Variants in PTPRD observed in about 807,000 individuals in gnomAD.
The protein encoded by PTPRD is protein tyrosine phosphatase receptor type D.
A neutral mutation model predicts 214.5 loss-of-function variants in PTPRD; 34 were observed. That is an observed-to-expected ratio of 0.16 (90% CI 0.12 to 0.21). PTPRD has a LOEUF of 0.21. PTPRD is among the 10% of genes least tolerant of loss of function. PTPRD has a pLI of 1.00. For synonymous variants in PTPRD, 1,128 were observed against 845.7 expected (o/e 1.33, Z -5.79); for missense variants, 2,545 against 2,398.7 (o/e 1.06, Z -1.27).
intron 8 of PTPRD, among the ~76,000 whole-genome samples, chr9:9,475,242 G>T (rs2094938367): frequency 6.6e-6 from 1 of 152,132 alleles, no homozygotes; most frequent in African/African-American, 2.4e-5. Flanking sequence ...ATTATGTAGG[G>T]TTGACTCTCA....
At chr9:10,361,048 G>C (rs1211734187) in intron 2 of PTPRD, among the ~76,000 whole-genome samples, 3 of 152,186 alleles carry the variant, frequency 2.0e-5, no homozygotes, top group Non-Finnish European at 2.9e-5. Context: ...CTTGTAGTGA[G>C]CCGAGATGGA....
chr9:9,221,011 G>A (rs769260267), intron 9 of PTPRD, among the ~76,000 whole-genome samples: 1 of 152,026 alleles, frequency 6.6e-6, no homozygotes, highest in Non-Finnish European at 1.5e-5. Flanking sequence ...CATGACAACT[G>A]CCTTCAGTTC....
intron 8 of PTPRD, among the ~76,000 whole-genome samples, chr9:9,551,489 A>AATAT (rs144744674): frequency 3.9e-4 from 59 of 151,786 alleles, no homozygotes; most frequent in Non-Finnish European, 2.9e-4. Context: ...ATGGTAATAG[A>AATAT]ATATATATAT....
intron 8 of PTPRD, among the ~76,000 whole-genome samples, chr9:9,446,001 C>T (rs1272779984): frequency 6.6e-6 from 1 of 152,120 alleles, no homozygotes; most frequent in East Asian, 1.9e-4. Context: ...GTTAATTCAA[C>T]TGAATTTAAA....
At chr9:10,449,361 A>G (rs1374609617) in intron 2 of PTPRD, among the ~76,000 whole-genome samples, 1 of 151,866 alleles carries the variant, frequency 6.6e-6, no homozygotes, top group Non-Finnish European at 1.5e-5. Context: ...CCCAGGCTGG[A>G]GTGCAGTGGC....
intron 11 of PTPRD, among the ~76,000 whole-genome samples, chr9:8,846,302 A>G (rs1345503950): frequency 2.6e-5 from 4 of 152,222 alleles, no homozygotes; most frequent in Non-Finnish European, 4.4e-5. Context: ...TGGGCACACT[A>G]ATTTGTTTAC....
intron 7 of PTPRD, among the ~76,000 whole-genome samples, chr9:9,584,136 T>C (rs1169849792): frequency 6.6e-6 from 1 of 151,894 alleles, no homozygotes; most frequent in African/African-American, 2.4e-5. Flanking sequence ...CATCAGAAGC[T>C]TCATTTTAGT....
chr9:8,953,854 T>A (rs900485747), intron 11 of PTPRD, among the ~76,000 whole-genome samples: 1 of 151,756 alleles, frequency 6.6e-6, no homozygotes, highest in African/African-American at 2.4e-5. Flanking sequence ...ATAACAGATA[T>A]TGGCAAGGCT....
At chr9:8,557,662 G>C (rs1451106014) in intron 14 of PTPRD, among the ~76,000 whole-genome samples, 1 of 145,618 alleles carries the variant, frequency 6.9e-6, no homozygotes, top group African/African-American at 2.5e-5. Flanking sequence ...GGAATCGCTT[G>C]AACATGGGAA....
chr9:9,955,329 A>G (rs1347033546), intron 4 of PTPRD, among the ~76,000 whole-genome samples: 1 of 152,118 alleles, frequency 6.6e-6, no homozygotes, highest in African/African-American at 2.4e-5. Context: ...GCAGTAAAGG[A>G]TATGTACGTA....
At chr9:9,294,309 AC>A (rs1450929662) in intron 9 of PTPRD, among the ~76,000 whole-genome samples, 1 of 151,848 alleles carries the variant, frequency 6.6e-6, no homozygotes, top group South Asian at 2.1e-4. Context: ...CTGTACACTA[AC>A]CTGTGTATAT....
intron 12 of PTPRD, among the ~76,000 whole-genome samples, chr9:8,657,327 C>A (rs1278923330): frequency 1.3e-5 from 2 of 151,922 alleles, no homozygotes; most frequent in Non-Finnish European, 2.9e-5. Context: ...ACCACCATAC[C>A]CACCTAATTT....
intron 35 of PTPRD, among the ~76,000 whole-genome samples, chr9:8,430,083 T>C (rs1408756280): frequency 6.6e-6 from 1 of 152,092 alleles, no homozygotes; most frequent in African/African-American, 2.4e-5. Context: ...AAGGGGTTAT[T>C]ATCTCAACCC....
chr9:9,977,516 A>G (rs1287404231), intron 4 of PTPRD, among the ~76,000 whole-genome samples: 1 of 152,326 alleles, frequency 6.6e-6, no homozygotes, highest in Admixed American at 6.5e-5. Flanking sequence ...ATGTAATTAG[A>G]CATTAACACT....
chr9:10,401,248 T>C (rs2154495620), intron 2 of PTPRD, among the ~76,000 whole-genome samples: 1 of 151,772 alleles, frequency 6.6e-6, no homozygotes, highest in African/African-American at 2.4e-5. Flanking sequence ...TTATTTTATT[T>C]AATACAGCAG....
intron 11 of PTPRD, among the ~76,000 whole-genome samples, chr9:8,743,325 A>C (rs1293481772): frequency 6.6e-6 from 1 of 152,174 alleles, no homozygotes; most frequent in Non-Finnish European, 1.5e-5. Flanking sequence ...AAATATTGTC[A>C]CCAATTAAAA....
At chr9:9,902,187 G>C (rs948929625) in intron 5 of PTPRD, among the ~76,000 whole-genome samples, 20 of 151,800 alleles carry the variant, frequency 1.3e-4, no homozygotes, top group Admixed American at 3.3e-4. Context: ...CTAAGCTTGT[G>C]TGTACGTGCA....
chr9:8,436,572 G>C lies in PTPRD; in HGVS notation c.4086+20C>G. ...GAGTAACTCTTGAAATTACTGTAAAGAATAAACACAGTGAATTACCTCATA... is the reference window on the plus strand; with the variant it reads ...GAGTAACTCTTGAAATTACTGTAAACAATAAACACAGTGAATTACCTCATA... On this transcript the variant is annotated intron_variant, in intron 35 of 45. Coordinates refer to ENST00000381196, the MANE Select transcript of PTPRD (RefSeq NM_002839.4). The C allele has an allele frequency of 6.4e-7, 1 of 1,562,150 alleles. No homozygotes were observed. The highest frequency in any genetic ancestry group is 8.8e-7 in the Non-Finnish European group (1 of 1,133,986).
intron 3 of PTPRD, among the ~76,000 whole-genome samples, chr9:10,158,171 C>T (rs1461951529): frequency 6.6e-6 from 1 of 152,002 alleles, no homozygotes. Flanking sequence ...CCACACCCAA[C>T]TAATTTTTTG....
Sources: allele counts gnomAD v4.1 joint callset (sites outside exome capture counted in the v4.1 genomes callset), GRCh38; gene constraint gnomAD v4.1.1; transcripts MANE v1.5; gene names NCBI Gene and HGNC (gene_info 2026-07-23, HGNC 2026-07-21).